Variants in QTMAN observed in about 807,000 individuals in gnomAD.
QTMAN encodes tRNA-queuosine alpha-mannosyltransferase.
At chr2:144,251,144 T>C in the QTMAN span, among the ~76,000 whole-genome samples, 8 of 152,256 alleles carry the variant, frequency 5.3e-5, no homozygotes, top group African/African-American at 1.7e-4. Context: ...CTGTTTCCGC[T>C]GCATACAAAT....
the QTMAN span, among the ~76,000 whole-genome samples, chr2:144,086,776 C>T: frequency 6.6e-6 from 1 of 152,270 alleles, no homozygotes; most frequent in Admixed American, 6.5e-5. Context: ...AGACTGGATT[C>T]AAACACTGTG....
At chr2:144,286,837 C>T in the QTMAN span, among the ~76,000 whole-genome samples, 2 of 152,172 alleles carry the variant, frequency 1.3e-5, no homozygotes, top group Non-Finnish European at 2.9e-5. Context: ...CAGATTTGTC[C>T]ACTGGTTTAG....
chr2:143,957,339 TC>T, the QTMAN span: 3 of 1,577,890 alleles, frequency 1.9e-6, no homozygotes, highest in Non-Finnish European at 2.6e-6. Context: ...TGAAAAAATA[TC>T]TTTTAAAAAC....
At chr2:144,169,089 T>G in the QTMAN span, among the ~76,000 whole-genome samples, 1 of 152,124 alleles carries the variant, frequency 6.6e-6, no homozygotes, top group African/African-American at 2.4e-5. Context: ...AATAAAGATA[T>G]ACCTAGCAGT....
chr2:144,080,364 G>A, the QTMAN span, among the ~76,000 whole-genome samples: 18 of 152,036 alleles, frequency 1.2e-4, no homozygotes. Flanking sequence ...TGTATTTTAG[G>A]AGGCATAACT....
the QTMAN span, among the ~76,000 whole-genome samples, chr2:144,182,305 T>G: frequency 2.0e-5 from 3 of 152,076 alleles, no homozygotes; most frequent in Non-Finnish European, 2.9e-5. Context: ...TAGAACAATT[T>G]CCTCAGTAGG....
chr2:144,040,469 C>T, the QTMAN span, among the ~76,000 whole-genome samples: 2 of 151,982 alleles, frequency 1.3e-5, no homozygotes, highest in African/African-American at 4.8e-5. Context: ...AGGTCTAGGA[C>T]TATAAGTTTG....
At chr2:144,305,264 A>G in the QTMAN span, among the ~76,000 whole-genome samples, 404 of 152,296 alleles carry the variant, frequency 2.7e-3, no homozygotes, top group African/African-American at 9.3e-3. Context: ...TCCATTTGGC[A>G]TTAATATTTT....
the QTMAN span, among the ~76,000 whole-genome samples, chr2:144,020,904 TA>T: frequency 0.16 from 22,475 of 143,984 alleles, 2,513 homozygotes; most frequent in African/African-American, 0.31. Context: ...AAAATATAAC[TA>T]AAAAAAAAAT....
the QTMAN span, among the ~76,000 whole-genome samples, chr2:144,258,502 C>A: frequency 6.6e-6 from 1 of 152,284 alleles, no homozygotes; most frequent in South Asian, 2.1e-4. Context: ...TCACCATTAT[C>A]TGGAGATGGT....
chr2:144,184,004 G>A, the QTMAN span, among the ~76,000 whole-genome samples: 3 of 152,150 alleles, frequency 2.0e-5, no homozygotes, highest in African/African-American at 7.2e-5. Flanking sequence ...GCGGCAATAC[G>A]CACGGCTCGT....
the QTMAN span, among the ~76,000 whole-genome samples, chr2:144,199,186 T>TA: frequency 2.6e-5 from 4 of 152,118 alleles, no homozygotes; most frequent in African/African-American, 9.7e-5. Flanking sequence ...TAGCTGGGAT[T>TA]ACAGGTGCCC....
chr2:144,065,115 A>G, the QTMAN span, among the ~76,000 whole-genome samples: 4 of 152,226 alleles, frequency 2.6e-5, no homozygotes, highest in African/African-American at 9.6e-5. Flanking sequence ...CTTAATTTTT[A>G]GAAAAGCAAA....
the QTMAN span, among the ~76,000 whole-genome samples, chr2:144,245,125 G>A: frequency 6.6e-6 from 1 of 152,168 alleles, no homozygotes; most frequent in Non-Finnish European, 1.5e-5. Context: ...TTAATAAATT[G>A]TAATTAGCAT....
At chr2:144,145,548 TATA>T in the QTMAN span, 1 of 1,567,568 alleles carries the variant, frequency 6.4e-7, no homozygotes, top group Non-Finnish European at 8.7e-7. Context: ...AAGGGCCAAA[TATA>T]ATGATACAAT....
the QTMAN span, among the ~76,000 whole-genome samples, chr2:144,023,262 C>G: frequency 6.6e-6 from 1 of 151,456 alleles, no homozygotes; most frequent in African/African-American, 2.4e-5. Flanking sequence ...CCAAAGTGAG[C>G]CAATGGAAAG....
At chr2:144,278,053 G>GA in the QTMAN span, among the ~76,000 whole-genome samples, 4 of 152,276 alleles carry the variant, frequency 2.6e-5, no homozygotes, top group Admixed American at 6.5e-5. Flanking sequence ...GCGAGGTAAT[G>GA]ATTCTTCTGG....
the QTMAN span, among the ~76,000 whole-genome samples, chr2:144,271,503 T>C: frequency 9.7e-4 from 148 of 152,194 alleles, no homozygotes; most frequent in Non-Finnish European, 1.8e-3. Context: ...TAAAGCCAAA[T>C]GTAAATCTAG....
At chr2:143,999,214 T>A in the QTMAN span, among the ~76,000 whole-genome samples, 1 of 152,016 alleles carries the variant, frequency 6.6e-6, no homozygotes, top group Non-Finnish European at 1.5e-5. Context: ...TTCTGTTACA[T>A]GTTTATGTGG....
Sources: gnomAD v4.1 joint callset for allele counts (sites outside exome capture counted in the v4.1 genomes callset) on GRCh38, gnomAD v4.1.1 for gene constraint, MANE v1.5 for transcripts, NCBI Gene and HGNC (gene_info 2026-07-23, HGNC 2026-07-21) for gene names.